ST6GALNAC3: variants seen among roughly 807,000 people sequenced by gnomAD.
The protein encoded by ST6GALNAC3 is alpha-N-acetylgalactosaminide alpha-2,6-sialyltransferase 3.
In ST6GALNAC3, 25 loss-of-function variants were observed where a neutral mutation model predicts 32.7. The ratio of observed to expected loss-of-function variants is 0.76; its 90% CI spans 0.56 to 1.07. ST6GALNAC3 has a LOEUF of 1.07. Ranked by LOEUF, ST6GALNAC3 falls within the 50% of genes least tolerant of loss-of-function variation. The probability of loss-of-function intolerance (pLI) is 0.00; values close to 1 mark genes in which losing one functional copy is unlikely to be tolerated. For missense variants in ST6GALNAC3, 355 were observed against 382.4 expected (o/e 0.93, Z 0.60); for synonymous variants, 129 against 133.1 (o/e 0.97, Z 0.21).
chr1:76,515,555 T>C (rs12130011), intron 3 of ST6GALNAC3, among the ~76,000 whole-genome samples: 5,654 of 152,254 alleles, frequency 0.037, 150 homozygotes, highest in Non-Finnish European at 0.062. Context: ...TTTATTGCTA[T>C]GAACTTTCCT....
intron 3 of ST6GALNAC3, among the ~76,000 whole-genome samples, chr1:76,535,080 A>G (rs753375430): frequency 4.6e-5 from 7 of 152,186 alleles, no homozygotes; most frequent in Non-Finnish European, 7.3e-5. Context: ...AGATAGAATA[A>G]TCATACTCAA....
At chr1:76,284,104 G>A (rs1570688264) in intron 1 of ST6GALNAC3, among the ~76,000 whole-genome samples, 1 of 152,182 alleles carries the variant, frequency 6.6e-6, no homozygotes, top group East Asian at 1.9e-4. Flanking sequence ...ATGCTTTAAA[G>A]TATTACTACT....
At chr1:76,407,140 T>C (rs1381051649) in intron 2 of ST6GALNAC3, among the ~76,000 whole-genome samples, 2 of 152,010 alleles carry the variant, frequency 1.3e-5, no homozygotes, top group South Asian at 4.1e-4. Context: ...AAATGACTTG[T>C]TTTACAAAGC....
At chr1:76,339,126 G>A (rs913971924) in intron 2 of ST6GALNAC3, among the ~76,000 whole-genome samples, 2 of 152,278 alleles carry the variant, frequency 1.3e-5, no homozygotes, top group Middle Eastern at 6.8e-3. Flanking sequence ...CCTGAGAGTG[G>A]TAGGCAGTGT....
At chr1:76,621,590 A>G (rs566786192) in intron 3 of ST6GALNAC3, among the ~76,000 whole-genome samples, 4 of 152,192 alleles carry the variant, frequency 2.6e-5, no homozygotes, top group Admixed American at 6.5e-5. Flanking sequence ...ACAAAAATAT[A>G]TGACTTGGGG....
At chr1:76,380,303 A>T (rs770606335) in intron 2 of ST6GALNAC3, among the ~76,000 whole-genome samples, 5 of 152,186 alleles carry the variant, frequency 3.3e-5, no homozygotes, top group Non-Finnish European at 5.9e-5. Context: ...ACAAAAAATG[A>T]TGGATCAAAC....
chr1:76,552,861 C>T (rs1664718215), intron 3 of ST6GALNAC3, among the ~76,000 whole-genome samples: 1 of 152,070 alleles, frequency 6.6e-6, no homozygotes, highest in Admixed American at 6.5e-5. Flanking sequence ...TTGATTCTTG[C>T]TATCGGTTTT....
intron 1 of ST6GALNAC3, among the ~76,000 whole-genome samples, chr1:76,281,371 C>T (rs570522089): frequency 1.3e-5 from 2 of 152,338 alleles, no homozygotes; most frequent in South Asian, 4.1e-4. Context: ...AATATACTCT[C>T]ATTTGGTTCC....
intron 3 of ST6GALNAC3, among the ~76,000 whole-genome samples, chr1:76,460,809 C>T (rs2101594865): frequency 6.6e-6 from 1 of 152,290 alleles, no homozygotes; most frequent in Admixed American, 6.5e-5. Flanking sequence ...TTCACATTCT[C>T]TTCCAAAATC....
chr1:76,606,313 C>T (rs1262405360), intron 3 of ST6GALNAC3, among the ~76,000 whole-genome samples: 2 of 152,138 alleles, frequency 1.3e-5, no homozygotes. Flanking sequence ...ATGAAGTCAA[C>T]TCAAATGCCC....
intron 3 of ST6GALNAC3, among the ~76,000 whole-genome samples, chr1:76,555,608 A>G: frequency 6.6e-6 from 1 of 152,164 alleles, no homozygotes; most frequent in East Asian, 1.9e-4. Flanking sequence ...GCCAAGGGAT[A>G]TTCTGATTTG....
At chr1:76,206,855 C>A (rs1245857536) in intron 1 of ST6GALNAC3, among the ~76,000 whole-genome samples, 3 of 152,164 alleles carry the variant, frequency 2.0e-5, no homozygotes, top group Non-Finnish European at 2.9e-5. Flanking sequence ...TCCAGCAAAA[C>A]AACTCCATTT....
chr1:76,212,568 C>T (rs1416323638), intron 1 of ST6GALNAC3, among the ~76,000 whole-genome samples: 1 of 152,118 alleles, frequency 6.6e-6, no homozygotes, highest in Non-Finnish European at 1.5e-5. Context: ...GAAAAAGCAC[C>T]TGACCTGTGT....
intron 3 of ST6GALNAC3, among the ~76,000 whole-genome samples, chr1:76,548,361 T>A (rs1413797930): frequency 1.3e-5 from 2 of 152,186 alleles, no homozygotes; most frequent in Non-Finnish European, 2.9e-5. Flanking sequence ...TTGCTTGAAG[T>A]CCATAAGCAC....
chr1:76,510,342 A>G (rs189200206), intron 3 of ST6GALNAC3, among the ~76,000 whole-genome samples: 2 of 152,192 alleles, frequency 1.3e-5, no homozygotes. Flanking sequence ...TTCACCAAAA[A>G]TATCTTGAGG....
chr1:76,390,840 G>A (rs753485439), intron 2 of ST6GALNAC3, among the ~76,000 whole-genome samples: 8 of 151,106 alleles, frequency 5.3e-5, no homozygotes, highest in African/African-American at 1.9e-4. Flanking sequence ...GTTTTTACAT[G>A]GGAAATATAA....
At chr1:76,302,132 A>AT (rs1486230401) in intron 1 of ST6GALNAC3, among the ~76,000 whole-genome samples, 1 of 152,016 alleles carries the variant, frequency 6.6e-6, no homozygotes, top group Non-Finnish European at 1.5e-5. Context: ...GTTTTTCCAC[A>AT]TTTTCAGCTA....
At chr1:76,482,854 T>G (rs1406125665) in intron 3 of ST6GALNAC3, among the ~76,000 whole-genome samples, 1 of 151,602 alleles carries the variant, frequency 6.6e-6, no homozygotes, top group Non-Finnish European at 1.5e-5. Flanking sequence ...TAGTTATATC[T>G]CCTAATGCTA....
chr1:76,165,379 G>A (rs1055023244), intron 1 of ST6GALNAC3, among the ~76,000 whole-genome samples: 1 of 152,044 alleles, frequency 6.6e-6, no homozygotes, highest in East Asian at 1.9e-4. Flanking sequence ...ATAGTATTCC[G>A]TGGTATATAT....
Sources: gnomAD v4.1 joint callset for allele counts (sites outside exome capture counted in the v4.1 genomes callset) on GRCh38, gnomAD v4.1.1 for gene constraint, MANE v1.5 for transcripts, NCBI Gene and HGNC (gene_info 2026-07-23, HGNC 2026-07-21) for gene names.